Variants in ACOX1 observed in about 807,000 individuals in gnomAD.
ACOX1 encodes peroxisomal acyl-coenzyme A oxidase 1.
Under a neutral mutation model 75.5 loss-of-function variants are expected in ACOX1, and 41 were observed. The ratio of observed to expected loss-of-function variants is 0.54; its 90% CI spans 0.42 to 0.70. The LOEUF is 0.70. Among genes scored for constraint, ACOX1 ranks in the 30% least tolerant of loss-of-function variants. The probability of loss-of-function intolerance (pLI) is 0.00; values close to 1 mark genes in which losing one functional copy is unlikely to be tolerated. For synonymous variants in ACOX1, 303 were observed against 298.8 expected (o/e 1.01, Z -0.15); for missense variants, 630 against 837.5 (o/e 0.75, Z 3.06).
chr17:75,970,192 AAAAAAAAAAG>A (rs1396277739), intron 2 of ACOX1, among the ~76,000 whole-genome samples: 5 of 151,302 alleles, frequency 3.3e-5, no homozygotes, highest in African/African-American at 1.2e-4. Context: ...TTCAAAAAAA[AAAAAAAAAAG>A]AGGAAGGAAG....
At chr17:75,973,833 A>T (rs1162870566) in intron 2 of ACOX1, 1 of 1,601,072 alleles carries the variant, frequency 6.2e-7, no homozygotes, top group Non-Finnish European at 8.6e-7. Context: ...TAGAAACTGC[A>T]TCCTACAACC....
At chr17:75,967,330 G>T (rs1032797105) in intron 2 of ACOX1, among the ~76,000 whole-genome samples, 1 of 151,646 alleles carries the variant, frequency 6.6e-6, no homozygotes, top group African/African-American at 2.4e-5. Context: ...TTAGCTGGGT[G>T]TGGTGGTGGG....
intron 2 of ACOX1, among the ~76,000 whole-genome samples, chr17:75,976,990 T>C (rs11658212): frequency 7.7e-6 from 1 of 130,566 alleles, no homozygotes; most frequent in South Asian, 2.3e-4. Context: ...GGCAAAAAAG[T>C]CTTTTTTTTT....
At chr17:75,948,509 CATAAT>C in intron 12 of ACOX1, 52 bp from the exon 13 acceptor site, 1 of 1,438,120 alleles carries the variant, frequency 7.0e-7, no homozygotes, top group Non-Finnish European at 9.7e-7. Flanking sequence ...TATAGATAGA[CATAAT>C]TATATGCATA....
intron 2 of ACOX1, among the ~76,000 whole-genome samples, chr17:75,968,305 G>A (rs1029094487): frequency 2.0e-5 from 3 of 147,240 alleles, no homozygotes; most frequent in Admixed American, 6.7e-5. Context: ...GCGTAGTGGC[G>A]GGCGCCTGTA....
At position 75,978,906 on chromosome 17, in the gene ACOX1, A is replaced by G; in HGVS notation, c.109+59T>C. ...GGCCCCACAGCGCCCCTGACTCCGC[A>G]TCGAGGGAGTCTCCAGCTTTTCTCG... On this transcript the variant is annotated intron_variant, in intron 1 of 13. Transcript: ENST00000293217. This position sits in a 1 kb window ranked among gnomAD's most constrained non-coding sequence, Gnocchi z 4.2. The G allele has an allele frequency of 6.2e-7, 1 of 1,603,530 alleles. No homozygotes were observed. The highest frequency in any genetic ancestry group is 8.5e-7 in the Non-Finnish European group (1 of 1,178,580).
rs187420826 is a variant in ACOX1, at chr17:75,950,054, C to T, written c.1299-157G>A. ...TCTTGGGTTCAAATGAATGATTCTCCTGCCTCAGCCTCCCAAGTAGCTGGG... is the reference window on the plus strand; with the variant it reads ...TCTTGGGTTCAAATGAATGATTCTCTTGCCTCAGCCTCCCAAGTAGCTGGG... On this transcript the variant is annotated intron_variant, in intron 9 of 13. Transcript: ENST00000293217. This position sits in a 1 kb window ranked among gnomAD's most constrained non-coding sequence, Gnocchi z 4.3. Among the ~76,000 whole-genome samples, 68 of 152,288 alleles carry T rather than the reference C, an allele frequency of 4.5e-4. No homozygotes were observed. Among genetic ancestry groups the T allele is most frequent in the African/African-American group, 1.6e-3 (66 of 41,544 alleles).
In ACOX1 at chr17:75,946,580, GC is replaced by G. The variant is rs2144227036; in HGVS notation, c.*167del. On this transcript the variant is annotated 3_prime_UTR_variant, in exon 14 of 14. Coordinates refer to ENST00000293217, the MANE Select transcript of ACOX1 (RefSeq NM_004035.7). The stretch of plus-strand genomic sequence containing the variant: ...AGTGTTAATTGCACTTAAAACATCT[GC>G]TTTTTTTCATTTAATCTCTGAAATC... 1.5e-6 allele frequency: 1 copy of G among 663,132 alleles called. No homozygotes were observed. The highest frequency in any genetic ancestry group is 1.8e-5 in the African/African-American group (1 of 54,844). 41.1% of individuals were successfully genotyped at this position (663,132 alleles called of 1,614,324 possible). A position where few individuals can be genotyped will look rare whatever the true frequency, so the allele number is the denominator to read the frequency against.
rs146679916 is a variant in ACOX1 at position 75,952,642 on chromosome 17, C to T, written c.944+809G>A. Among the ~76,000 whole-genome samples, 1,247 of 151,548 alleles carry T rather than the reference C, an allele frequency of 8.2e-3. 18 individuals are homozygous for T. The highest frequency in any genetic ancestry group is 0.024 in the African/African-American group (998 of 41,340). ...TTTTTTGAAAATAGACCAGCCTGGCCAACATGGCGAAATTCCGTCTCTACT... is the reference window on the plus strand; with the variant it reads ...TTTTTTGAAAATAGACCAGCCTGGCTAACATGGCGAAATTCCGTCTCTACT... On this transcript the variant is annotated intron_variant, in intron 7 of 13. Transcript: ENST00000293217.
rs757650775 is a variant in ACOX1, at chr17:75,949,452, TG to T, written c.1584+42del. On this transcript the variant is annotated intron_variant, in intron 11 of 13. Coordinates refer to ENST00000293217, the MANE Select transcript of ACOX1 (RefSeq NM_004035.7). ...GGTTTCTGTACCAGAAAATGCGGGA[TG>T]CTGAGGGCAGGGAAGGGGAAAAAGA... 321 of 1,611,026 alleles carry T rather than the reference TG, an allele frequency of 2.0e-4. 2 individuals carry two copies. The African/African-American group carries it at 3.9e-3, about 19-fold the overall frequency.
chr17:75,977,278 G>A (rs895489572), intron 2 of ACOX1, among the ~76,000 whole-genome samples: 7 of 151,900 alleles, frequency 4.6e-5, no homozygotes, highest in Non-Finnish European at 5.9e-5. Context: ...TTACAGGCAT[G>A]AGCCACTGTG....
intron 2 of ACOX1, among the ~76,000 whole-genome samples, chr17:75,967,921 G>C (rs898275743): frequency 3.1e-4 from 47 of 149,426 alleles, no homozygotes; most frequent in African/African-American, 1.0e-3. Context: ...TAGATTTTTA[G>C]TACAGACAGG....
rs2066078929 is a variant in ACOX1 at position 75,978,412 on chromosome 17, G to GTTGCATGAAAATATGCCAGT, written c.269+102_269+121dup. The GTTGCATGAAAATATGCCAGT allele has an allele frequency of 6.6e-6, 9 of 1,361,006 alleles. No homozygotes were observed. Among genetic ancestry groups the GTTGCATGAAAATATGCCAGT allele is most frequent in the Non-Finnish European group, 8.3e-6 (8 of 959,942 alleles). The allele number at this position is 1,361,006 out of a possible 1,614,324, so 84.3% of individuals were successfully genotyped here. ...CCGGCCACACATATAACTTTATAAAGTTGCATGAAAATATGCCAGTTTGCA... is the reference window on the plus strand; with the variant it reads ...CCGGCCACACATATAACTTTATAAAGTTGCATGAAAATATGCCAGTTTGCATGAAAATATGCCAGTTTGCA... On this transcript the variant is annotated intron_variant, in intron 2 of 13. Transcript: ENST00000293217. This position sits in a 1 kb window ranked among gnomAD's most constrained non-coding sequence, Gnocchi z 4.2.
At position 75,946,606 on chromosome 17, in the gene ACOX1, CTGTTCATTTT is replaced by C. The variant is rs2065722369; in HGVS notation, c.*132_*141del. On this transcript the variant is annotated 3_prime_UTR_variant, in exon 14 of 14. Coordinates refer to ENST00000293217, the MANE Select transcript of ACOX1 (RefSeq NM_004035.7). ...CTTTTTTTCATTTAATCTCTGAAAT[CTGTTCATTTT>C]TTCCCTCCATTTATAAAAAGGGGTC... 1 of 730,492 alleles carries C rather than the reference CTGTTCATTTT, an allele frequency of 1.4e-6. No homozygotes were observed. Among genetic ancestry groups the C allele is most frequent in the Non-Finnish European group, 2.4e-6 (1 of 412,572 alleles). The allele number at this position is 730,492 out of a possible 1,614,324, so 45.3% of individuals were successfully genotyped here. A position where few individuals can be genotyped will look rare whatever the true frequency, so the allele number is the denominator to read the frequency against.
intron 2 of ACOX1, among the ~76,000 whole-genome samples, chr17:75,968,939 A>C (rs1333159541): frequency 1.3e-5 from 2 of 151,566 alleles, no homozygotes; most frequent in Non-Finnish European, 2.9e-5. Context: ...AAAAAAAAAG[A>C]AATATGTTAA....
intron 3 of ACOX1, among the ~76,000 whole-genome samples, chr17:75,958,590 C>G (rs1219013627): frequency 4.6e-5 from 7 of 151,438 alleles, no homozygotes; most frequent in Non-Finnish European, 8.8e-5. Context: ...GGGCGGATCA[C>G]AAAGTCAGGA....
intron 2 of ACOX1, among the ~76,000 whole-genome samples, chr17:75,966,023 G>T (rs1013137613): frequency 6.6e-6 from 1 of 151,684 alleles, no homozygotes; most frequent in South Asian, 2.1e-4. Flanking sequence ...CCAGCTACTC[G>T]GGAGGCTAAG....
Position 75,948,367 on chromosome 17 carries a change from C to G in ACOX1, c.1819G>C (p.Val607Leu), listed in dbSNP as rs1036429447. The G allele has an allele frequency of 1.2e-6, 2 of 1,614,140 alleles. No individual in the cohort carries two copies. The highest frequency in any genetic ancestry group is 1.7e-6 in the Non-Finnish European group (2 of 1,180,020). Residue 607 changes from valine (V) to leucine (L), a missense_variant, in exon 13 of 14, where the codon GTT becomes CTT. Val to Leu is a conservative substitution (Grantham distance 32). This residue lies in a region of ACOX1 where 240 missense variants were observed against 262.7 expected (regional missense o/e 0.91). Transcript: ENST00000293217. The stretch of plus-strand genomic sequence containing the variant: ...ACATCCTGAAAATCAAATGCATCAA[C>G]CAAAGCAACAGCATCTGAGCGAATC... ...TLIRSDAVALVDAFDFQDVTL... is the reference protein window; with the variant it reads ...TLIRSDAVALLDAFDFQDVTL...
At position 75,943,192 on chromosome 17, in the gene ACOX1, A is replaced by G. The variant is rs1014761565; in HGVS notation, c.*3556T>C. ...AGTGAAGTCGAGATCGCACCATTGC[A>G]TTCCCGCCTGGGAGACTCCATCTCA... On this transcript the variant is annotated 3_prime_UTR_variant, in exon 14 of 14. Coordinates refer to ENST00000293217, the MANE Select transcript of ACOX1 (RefSeq NM_004035.7). The G allele has an allele frequency of 1.4e-5, 2 of 146,448 alleles. No homozygotes were observed. Among genetic ancestry groups the G allele is most frequent in the Non-Finnish European group, 3.0e-5 (2 of 67,214 alleles). 9.1% of individuals were successfully genotyped at this position (146,448 alleles called of 1,614,324 possible). A position where few individuals can be genotyped will look rare whatever the true frequency, so the allele number is the denominator to read the frequency against.
Sources: allele counts gnomAD v4.1 joint callset (sites outside exome capture counted in the v4.1 genomes callset), GRCh38; gene constraint gnomAD v4.1.1; regional missense constraint gnomAD v4.1.1; non-coding constraint Gnocchi (gnomAD v3.1); transcripts MANE v1.5; gene names NCBI Gene and HGNC (gene_info 2026-07-23, HGNC 2026-07-21).